AOX1: variants seen among roughly 807,000 people sequenced by gnomAD.
The protein encoded by AOX1 is aldehyde oxidase 1, also known as aldehyde oxidase.
In AOX1, 153 loss-of-function variants were observed where a neutral mutation model predicts 169.5. The observed-to-expected ratio is 0.90, with a 90% CI of 0.79 to 1.03. The LOEUF (loss-of-function observed/expected upper bound fraction) is 1.03. AOX1 is among the 50% of genes least tolerant of loss of function. The pLI is 0.00. For synonymous variants in AOX1, 562 were observed against 581.9 expected (o/e 0.97, Z 0.49); for missense variants, 1,656 against 1,663.9 (o/e 1.00, Z 0.08).
rs1345481351 is a variant in AOX1, at chr2:200,671,287, AG to A, written c.*609del. The A allele has an allele frequency of 2.0e-5, 3 of 152,222 alleles. No individual in the cohort carries two copies. The highest frequency in any genetic ancestry group is 2.9e-5 in the Non-Finnish European group (2 of 68,032). 9.4% of individuals were successfully genotyped at this position (152,222 alleles called of 1,614,324 possible). On this transcript the variant is annotated 3_prime_UTR_variant, in exon 35 of 35. Transcript: ENST00000374700. ...ATTTGTAAATCATATATTTGATAAA[AG>A]TCTTGTAACCAGATACATAAAGAGC...
chr2:200,600,995 T>G (rs2463492), intron 5 of AOX1, among the ~76,000 whole-genome samples: 88,573 of 151,142 alleles, frequency 0.59, 25,964 homozygotes, highest in East Asian at 0.73. Flanking sequence ...TAATGTGCCC[T>G]ACTGCTTTCA....
At chr2:200,606,355 G>A (rs1433632593) in intron 10 of AOX1, among the ~76,000 whole-genome samples, 1 of 152,120 alleles carries the variant, frequency 6.6e-6, no homozygotes, top group East Asian at 1.9e-4. Flanking sequence ...ATCTGTTTTG[G>A]TGCCAGTACC....
intron 15 of AOX1, among the ~76,000 whole-genome samples, 187 bp from the exon 16 acceptor site, chr2:200,615,784 C>T (rs1194973323): frequency 6.6e-6 from 1 of 152,154 alleles, no homozygotes; most frequent in Non-Finnish European, 1.5e-5. Flanking sequence ...ATGTATGCAC[C>T]TTTCAGAGTA....
chr2:200,669,716 G>A lies in AOX1; in HGVS notation c.3940G>A (p.Ala1314Thr), dbSNP rs770399445. The A allele has an allele frequency of 1.4e-5, 23 of 1,613,078 alleles. No individual in the cohort carries two copies. The Admixed American group carries it at 3.7e-4, about 26-fold the overall frequency. The change falls in exon 34 of 35, where the codon GCC (alanine) becomes ACC (threonine). Residue 1314 changes from alanine to threonine, a missense_variant. By Grantham distance (58) the Ala-to-Thr change is moderately conservative (BLOSUM62 0). Transcript: ENST00000374700. Reference sequence around the variant, plus strand: ...ACTGACCCCGGAGAAGATTAGGATGGCCTGTGAAGACAAGTTCACAAAAAT... The same window carrying A: ...ACTGACCCCGGAGAAGATTAGGATGACCTGTGAAGACAAGTTCACAAAAAT... ...SPLTPEKIRM[A>T]CEDKFTKMIP...
rs1016357519 is a variant in AOX1, at chr2:200,641,228, T to C, written c.2655+44T>C. The C allele has an allele frequency of 6.0e-6, 8 of 1,334,294 alleles. No homozygotes were observed. In the African/African-American group the frequency reaches 1.0e-4, roughly 17 times the overall value. The allele number at this position is 1,334,294 out of a possible 1,614,324, so 82.7% of individuals were successfully genotyped here. On this transcript the variant is annotated intron_variant, in intron 24 of 34. Coordinates refer to ENST00000374700, the MANE Select transcript of AOX1 (RefSeq NM_001159.4). The stretch of plus-strand genomic sequence containing the variant: ...AAGTTCACATTCCTGAAAAGAGTGT[T>C]ACATAAAATAATTTAACTTAGAAAA...
In AOX1 at chr2:200,593,176, A is replaced by G. The variant is rs935599400; in HGVS notation, c.76A>G (p.Met26Val). ...AGAAAAAAATGTCGATCCTGAAACA[A>G]TGCTGTTGCCTTATTTGAGGAAGAA... is the stretch of plus-strand genomic sequence containing the variant. ...VIEKNVDPET[M>V]LLPYLRKKLR... The change falls in exon 2 of 35, where the codon ATG becomes GTG. Residue 26 changes from methionine to valine, a missense_variant. Coordinates refer to ENST00000374700, the MANE Select transcript of AOX1 (RefSeq NM_001159.4). The G allele has an allele frequency of 1.2e-6, 2 of 1,613,830 alleles. No individual in the cohort carries two copies. Among genetic ancestry groups the G allele is most frequent in the African/African-American group, 1.3e-5 (1 of 75,038 alleles).
chr2:200,660,206 G>T (rs545627136), intron 29 of AOX1, 137 bp downstream of exon 29: 1 of 704,504 alleles, frequency 1.4e-6, no homozygotes, highest in Admixed American at 2.8e-5. Flanking sequence ...TAAATAAAAG[G>T]CCCTTTGGCT....
chr2:200,659,626 A>G (rs2035772990), intron 28 of AOX1, among the ~76,000 whole-genome samples: 1 of 152,132 alleles, frequency 6.6e-6, no homozygotes, highest in Non-Finnish European at 1.5e-5. Context: ...CTCCACCACA[A>G]CTTCATTGCC....
Position 200,638,313 on chromosome 2 carries a change from G to A in AOX1, c.2568+11G>A, listed in dbSNP as rs201551790. On this transcript the variant is annotated intron_variant, in intron 23 of 34. Transcript: ENST00000374700. ...CTTGGAAAGTACAAAGTGAGTACAA[G>A]AGGGCATGGAGGAAGGATTTATGTT... 2 of 1,610,688 alleles carry A rather than the reference G, an allele frequency of 1.2e-6. No individual in the cohort carries two copies. The highest frequency in any genetic ancestry group is 8.5e-7 in the Non-Finnish European group (1 of 1,177,084).
chr2:200,633,611 TTGTG>T (rs1439664150), intron 20 of AOX1, among the ~76,000 whole-genome samples: 8 of 152,192 alleles, frequency 5.3e-5, no homozygotes, highest in African/African-American at 1.9e-4. Context: ...TTTCAAGTGT[TTGTG>T]TAATTGCTTA....
chr2:200,620,918 T>C, intron 17 of AOX1, 99 bp downstream of exon 17: 1 of 1,403,840 alleles, frequency 7.1e-7, no homozygotes. Context: ...GGCTATTTGT[T>C]GGTGATATCC....
rs1429681235 is a variant in AOX1, at chr2:200,641,117, G to A, written c.2588G>A (p.Gly863Asp). Reference protein sequence around the residue: ...GKYKAGFMNDGRILALDMEHY... With the variant: ...GKYKAGFMNDDRILALDMEHY... The stretch of plus-strand genomic sequence containing the variant: ...CCCCAGGCTGGATTCATGAACGATG[G>A]CAGAATCTTGGCCCTGGACATGGAG... The change falls in exon 24 of 35, where the codon GGC (glycine) becomes GAC (aspartate). Residue 863 changes from glycine (G) to aspartate (D), a missense_variant. By Grantham distance (94) the Gly-to-Asp change is moderately conservative. Coordinates refer to ENST00000374700, the MANE Select transcript of AOX1 (RefSeq NM_001159.4). 6.2e-7 allele frequency: 1 copy of A among 1,613,076 alleles called. No individual in the cohort carries two copies. The highest frequency in any genetic ancestry group is 2.2e-5 in the East Asian group (1 of 44,872).
intron 4 of AOX1, chr2:200,676,842 C>T (rs904945992): frequency 1.5e-5 from 7 of 456,878 alleles, no homozygotes; most frequent in Middle Eastern, 3.3e-4. Context: ...CAAATGGCCC[C>T]GGAAGCTGCT....
intron 26 of AOX1, 31 bp downstream of exon 26, chr2:200,651,232 G>C (rs766093149): frequency 1.9e-6 from 3 of 1,592,166 alleles, no homozygotes; most frequent in East Asian, 2.2e-5. Context: ...TGAGGATGCT[G>C]CCTGGAAGCA....
At position 200,623,979 on chromosome 2, in the gene AOX1, T is replaced by C. The variant is rs552724255; in HGVS notation, c.2120T>C (p.Ile707Thr). 53 of 1,614,034 alleles carry C rather than the reference T, an allele frequency of 3.3e-5. No homozygotes were observed. In the East Asian group the frequency reaches 1.0e-3, roughly 31 times the overall value. The change falls in exon 19 of 35, where the codon ATT (isoleucine) becomes ACT (threonine). Residue 707 changes from isoleucine (I) to threonine (T), a missense_variant. Physicochemically the swap from Ile to Thr is moderately conservative, Grantham distance 89. Transcript: ENST00000374700. ...YQDLEPLILTIEESIQHNSSF... is the reference protein window; with the variant it reads ...YQDLEPLILTTEESIQHNSSF... ...GACTTGGAGCCGCTGATACTAACAA[T>C]TGAGGTAATGAGTTCTGTGGAATGG... is the stretch of plus-strand genomic sequence containing the variant.
chr2:200,682,017 G>GA (rs769823710), downstream of AOX1, among the ~76,000 whole-genome samples: 1 of 151,834 alleles, frequency 6.6e-6, no homozygotes, highest in Non-Finnish European at 1.5e-5. Context: ...TAGGAATTGG[G>GA]AAAAAACACT....
intron 14 of AOX1, among the ~76,000 whole-genome samples, chr2:200,613,078 C>T (rs374902921): frequency 8.6e-5 from 13 of 151,132 alleles, no homozygotes; most frequent in African/African-American, 2.9e-4. Context: ...CTCAACAGTG[C>T]AAATTTGTAT....
intron 16 of AOX1, among the ~76,000 whole-genome samples, chr2:200,617,965 G>T (rs868668591): frequency 1.3e-5 from 2 of 152,252 alleles, no homozygotes; most frequent in Admixed American, 6.5e-5. Flanking sequence ...AAGCAGAGGG[G>T]GAAGAGGAGA....
intron 34 of AOX1, among the ~76,000 whole-genome samples, 162 bp from the exon 35 acceptor site, chr2:200,670,457 ACCTCTCCAGT>A (rs940613425): frequency 4.1e-4 from 63 of 151,898 alleles, no homozygotes; most frequent in African/African-American, 1.4e-3. Flanking sequence ...TAACCCCAGG[ACCTCTCCAGT>A]CCTCCCCTGG....
Sources: allele counts gnomAD v4.1 joint callset (sites outside exome capture counted in the v4.1 genomes callset), GRCh38; gene constraint gnomAD v4.1.1; transcripts MANE v1.5; gene names NCBI Gene and HGNC (gene_info 2026-07-23, HGNC 2026-07-21).